The following USP9Y variants were observed in gnomAD, a reference collection of about 807,000 sequenced individuals.
The protein encoded by USP9Y is ubiquitin carboxyl-terminal hydrolase 9Y.
Under a neutral mutation model 53.1 loss-of-function variants are expected in USP9Y, and 41 were observed. The ratio of observed to expected loss-of-function variants is 0.77; its 90% CI spans 0.60 to 1.00. USP9Y has a LOEUF of 1.00. Ranked by LOEUF, USP9Y falls within the 50% of genes least tolerant of loss-of-function variation. The pLI is 0.00. For synonymous variants in USP9Y, 220 were observed against 173.7 expected (o/e 1.27, Z -2.09); for missense variants, 567 against 535.8 (o/e 1.06, Z -0.58).
chrY:12,794,726 A>G (rs769405500), intron 27 of USP9Y, among the ~76,000 whole-genome samples: 1 of 33,714 alleles, frequency 3.0e-5, no homozygotes, highest in East Asian at 7.7e-4. Context: ...CATGATGAAC[A>G]TGGTCTTACC....
chrY:12,825,228 C>T (rs771690354), intron 33 of USP9Y, among the ~76,000 whole-genome samples: 1 of 32,756 alleles, frequency 3.1e-5, no homozygotes, highest in Non-Finnish European at 7.5e-5. Flanking sequence ...AGCCACCATG[C>T]GTCTTGTATA....
intron 17 of USP9Y, 33 bp downstream of exon 17, chrY:12,773,958 C>T: frequency 3.1e-6 from 1 of 318,784 alleles, no homozygotes; most frequent in African/African-American, 7.0e-5. Context: ...CATATGCCAA[C>T]ATTGTACCTG....
At chrY:12,731,267 T>TA (rs2053446952) in intron 7 of USP9Y, among the ~76,000 whole-genome samples, 3 of 33,034 alleles carry the variant, frequency 9.1e-5, no homozygotes, top group Non-Finnish European at 1.5e-4. Context: ...ATTACATCTT[T>TA]AAAAAATGTA....
intron 27 of USP9Y, among the ~76,000 whole-genome samples, chrY:12,795,609 A>G: frequency 6.0e-5 from 2 of 33,378 alleles, no homozygotes. Flanking sequence ...TAGGCAGAGC[A>G]GCCCTGAGAG....
At chrY:12,733,334 CT>C (rs2053448871) in intron 7 of USP9Y, among the ~76,000 whole-genome samples, 18 of 23,456 alleles carry the variant, frequency 7.7e-4, no homozygotes, top group Non-Finnish European at 7.0e-4. Flanking sequence ...GCTGTGTCAT[CT>C]TTTTTTTTTT....
At chrY:12,736,870 C>T (rs113874383) in intron 10 of USP9Y, among the ~76,000 whole-genome samples, 27 of 32,191 alleles carry the variant, frequency 8.4e-4, no homozygotes, top group Admixed American at 1.4e-3. Context: ...AATGAACTAA[C>T]GTAGTGATCA....
chrY:12,788,055 G>A (rs973855725), intron 24 of USP9Y, among the ~76,000 whole-genome samples: 5 of 33,452 alleles, frequency 1.5e-4, no homozygotes, highest in African/African-American at 5.8e-4. Context: ...ATTGGAAAAC[G>A]CAAAGAAAAT....
At chrY:12,828,368 G>A in intron 33 of USP9Y, among the ~76,000 whole-genome samples, 1 of 33,628 alleles carries the variant, frequency 3.0e-5, no homozygotes, top group Non-Finnish European at 7.4e-5. Flanking sequence ...GATGACAAAG[G>A]AGAATATATT....
intron 12 of USP9Y, among the ~76,000 whole-genome samples, chrY:12,746,436 C>T (rs1603197497): frequency 6.0e-5 from 2 of 33,378 alleles, no homozygotes; most frequent in East Asian, 1.6e-3. Flanking sequence ...TTAGGAATAC[C>T]TTGTTGTGCT....
chrY:12,856,869 T>C, intron 44 of USP9Y, 24 bp downstream of exon 44: 1 of 337,424 alleles, frequency 3.0e-6, no homozygotes, highest in Non-Finnish European at 4.3e-6. Context: ...AGGCTACCAA[T>C]GGACAGCAGA....
At position 12,859,571 on chromosome Y, in the gene USP9Y, A is replaced by C. The variant is rs2053582040; in HGVS notation, c.*155A>C. 1 of 174,592 alleles carries C rather than the reference A, an allele frequency of 5.7e-6. No homozygotes were observed. Among genetic ancestry groups the C allele is most frequent in the East Asian group, 1.2e-4 (1 of 8,211 alleles). 43.6% of individuals were successfully genotyped at this position (174,592 alleles called of 400,897 possible). On this transcript the variant is annotated 3_prime_UTR_variant, in exon 46 of 46. Transcript: ENST00000338981. ...ACTGGTTTATTTGCAGTAATTTGCA[A>C]TTTGTCAGTGTATAAGACACATGCA...
intron 39 of USP9Y, 59 bp from the exon 40 acceptor site, chrY:12,846,274 G>A: frequency 3.3e-6 from 1 of 303,341 alleles, no homozygotes; most frequent in Non-Finnish European, 4.9e-6. Context: ...TTTAATTATT[G>A]CAGTACTTAC....
At chrY:12,826,960 T>G in intron 33 of USP9Y, among the ~76,000 whole-genome samples, 1 of 33,352 alleles carries the variant, frequency 3.0e-5, no homozygotes, top group South Asian at 6.7e-4. Flanking sequence ...CCTTAGTTAG[T>G]CTACAGTGTA....
intron 10 of USP9Y, among the ~76,000 whole-genome samples, chrY:12,737,039 G>A: frequency 6.9e-5 from 2 of 28,969 alleles, no homozygotes; most frequent in Non-Finnish European, 1.6e-4. Flanking sequence ...GCAGTGACAC[G>A]ATCTCCACTC....
At chrY:12,852,475 G>A in intron 42 of USP9Y, among the ~76,000 whole-genome samples, 4 of 33,100 alleles carry the variant, frequency 1.2e-4, no homozygotes, top group South Asian at 1.4e-3. Flanking sequence ...CCCTTAGCTC[G>A]GAGTAGTTTG....
intron 14 of USP9Y, 61 bp downstream of exon 14, chrY:12,758,703 G>A: frequency 4.6e-6 from 1 of 219,480 alleles, no homozygotes; most frequent in East Asian, 1.3e-4. Context: ...TGGAAATGGT[G>A]TATGAAAGCA....
At position 12,776,688 on chromosome Y, in the gene USP9Y, C is replaced by T; in HGVS notation, c.2467C>T (p.Arg823Cys). 2 of 396,142 alleles carry T rather than the reference C, an allele frequency of 5.0e-6. No homozygotes were observed. The highest frequency in any genetic ancestry group is 7.1e-6 in the Non-Finnish European group (2 of 281,554). Residue 823 changes from arginine to cysteine, a missense_variant, in exon 19 of 46, where the codon CGT becomes TGT. Coordinates refer to ENST00000338981, the MANE Select transcript of USP9Y (RefSeq NM_004654.4). ...AGACTTCATTCAGTCTTGCTTTGAT[C>T]GTTTAAAAGCATCATATGATACACT... is the stretch of plus-strand genomic sequence containing the variant. ...HEDFIQSCFD[R>C]LKASYDTLCV...
At chrY:12,798,010 C>T in intron 27 of USP9Y, among the ~76,000 whole-genome samples, 1 of 30,758 alleles carries the variant, frequency 3.3e-5, no homozygotes, top group Non-Finnish European at 7.9e-5. Context: ...TTCTCCTTCC[C>T]TTTTTCTTCC....
intron 1 of USP9Y, 139 bp from the exon 2 acceptor site, chrY:12,708,495 G>A (rs1603195261): frequency 3.0e-5 from 1 of 33,766 alleles, no homozygotes; most frequent in Non-Finnish European, 7.3e-5. Flanking sequence ...GAAGTTACCC[G>A]AAAGTTTTAA....
Sources: allele counts gnomAD v4.1 joint callset (sites outside exome capture counted in the v4.1 genomes callset), GRCh38; gene constraint gnomAD v4.1.1; transcripts MANE v1.5; gene names NCBI Gene and HGNC (gene_info 2026-07-23, HGNC 2026-07-21).